ABTB3: variants seen among roughly 807,000 people sequenced by gnomAD.
The protein encoded by ABTB3 is ankyrin repeat and BTB domain containing 3.
At chr12:107,460,623 C>G in the ABTB3 span, among the ~76,000 whole-genome samples, 5 of 152,198 alleles carry the variant, frequency 3.3e-5, no homozygotes, top group African/African-American at 1.2e-4. Context: ...CCCACCACTG[C>G]ACTCCAGCTT....
At chr12:107,573,137 C>A in the ABTB3 span, among the ~76,000 whole-genome samples, 18,293 of 152,200 alleles carry the variant, frequency 0.12, 1,326 homozygotes, top group Non-Finnish European at 0.17. Flanking sequence ...ATCCATGAGG[C>A]CTCTGTTTCA....
the ABTB3 span, among the ~76,000 whole-genome samples, chr12:107,373,684 A>T: frequency 6.6e-6 from 1 of 152,158 alleles, no homozygotes; most frequent in Non-Finnish European, 1.5e-5. Flanking sequence ...ACTAAAATTG[A>T]GTCAGCTGGA....
At chr12:107,504,010 G>A in the ABTB3 span, among the ~76,000 whole-genome samples, 1 of 152,098 alleles carries the variant, frequency 6.6e-6, no homozygotes, top group African/African-American at 2.4e-5. Context: ...TCCTTGGCTG[G>A]ATAGGGCCCT....
At chr12:107,368,487 C>T in the ABTB3 span, among the ~76,000 whole-genome samples, 87 of 152,332 alleles carry the variant, frequency 5.7e-4, no homozygotes, top group African/African-American at 1.9e-3. Context: ...TCTATCCATT[C>T]TTTAATGATG....
At chr12:107,545,872 G>A in the ABTB3 span, among the ~76,000 whole-genome samples, 26 of 152,216 alleles carry the variant, frequency 1.7e-4, no homozygotes, top group Non-Finnish European at 2.9e-4. Context: ...CTGTCCAGCC[G>A]TGCAGTTTCT....
the ABTB3 span, among the ~76,000 whole-genome samples, chr12:107,631,978 C>T: frequency 3.3e-5 from 5 of 152,208 alleles, no homozygotes; most frequent in African/African-American, 9.7e-5. Context: ...GGGAGTTGCA[C>T]CTCCCCCTGA....
the ABTB3 span, among the ~76,000 whole-genome samples, chr12:107,373,547 G>A: frequency 6.6e-6 from 1 of 152,204 alleles, no homozygotes; most frequent in Non-Finnish European, 1.5e-5. Flanking sequence ...CAGACACACA[G>A]TAGTAGATGC....
chr12:107,602,138 C>T, the ABTB3 span, among the ~76,000 whole-genome samples: 8 of 152,300 alleles, frequency 5.3e-5, no homozygotes, highest in East Asian at 1.9e-4. Context: ...GGTAGGCCCA[C>T]GGCACCCTAA....
the ABTB3 span, among the ~76,000 whole-genome samples, chr12:107,446,538 C>G: frequency 6.6e-6 from 1 of 152,106 alleles, no homozygotes. Context: ...CACTTTCTCC[C>G]CTGTGTCCCT....
the ABTB3 span, chr12:107,618,491 C>G: frequency 2.4e-6 from 2 of 839,078 alleles, no homozygotes; most frequent in Admixed American, 2.7e-5. Context: ...CGCACATGCA[C>G]ACACACGTGC....
At chr12:107,363,900 G>A in the ABTB3 span, among the ~76,000 whole-genome samples, 2 of 152,214 alleles carry the variant, frequency 1.3e-5, no homozygotes, top group African/African-American at 2.4e-5. Context: ...GAGGCTCACA[G>A]TTGGCTGTAC....
chr12:107,453,820 A>G, the ABTB3 span, among the ~76,000 whole-genome samples: 1 of 152,208 alleles, frequency 6.6e-6, no homozygotes, highest in Admixed American at 6.5e-5. Flanking sequence ...AGGAGATGAG[A>G]AAAATGTACA....
the ABTB3 span, chr12:107,319,255 G>A: frequency 1.9e-6 from 3 of 1,556,244 alleles, no homozygotes; most frequent in East Asian, 7.1e-5. Context: ...AGGAGCTGGA[G>A]GCGCTGCTGC....
chr12:107,364,873 T>G, the ABTB3 span, among the ~76,000 whole-genome samples: 1 of 152,172 alleles, frequency 6.6e-6, no homozygotes, highest in Admixed American at 6.5e-5. Flanking sequence ...TTAAAGCTGG[T>G]TTTTCTTCCT....
the ABTB3 span, among the ~76,000 whole-genome samples, chr12:107,495,409 G>A: frequency 4.4e-4 from 67 of 152,174 alleles, no homozygotes; most frequent in South Asian, 4.1e-4. Context: ...GGGATGGCCC[G>A]GCAGGCCAGT....
chr12:107,349,584 TG>T, the ABTB3 span, among the ~76,000 whole-genome samples: 1 of 152,180 alleles, frequency 6.6e-6, no homozygotes, highest in Non-Finnish European at 1.5e-5. Flanking sequence ...AGCTGTAAAA[TG>T]GGTACAATCT....
chr12:107,598,487 G>C, the ABTB3 span, among the ~76,000 whole-genome samples: 4 of 152,302 alleles, frequency 2.6e-5, no homozygotes, highest in South Asian at 8.3e-4. Context: ...CCAAAACTCA[G>C]TGACACAGGT....
chr12:107,546,697 C>G, the ABTB3 span, among the ~76,000 whole-genome samples: 1,154 of 152,168 alleles, frequency 7.6e-3, 10 homozygotes, highest in Non-Finnish European at 0.013. Flanking sequence ...AACCCCATCT[C>G]TACTAAAAAT....
the ABTB3 span, among the ~76,000 whole-genome samples, chr12:107,368,977 A>G: frequency 8.5e-5 from 13 of 152,104 alleles, no homozygotes; most frequent in African/African-American, 3.1e-4. Context: ...TTACATATGT[A>G]GTTAGATGTT....
Sources: gnomAD v4.1 joint callset for allele counts (sites outside exome capture counted in the v4.1 genomes callset) on GRCh38, gnomAD v4.1.1 for gene constraint, MANE v1.5 for transcripts, NCBI Gene and HGNC (gene_info 2026-07-23, HGNC 2026-07-21) for gene names.